Variants in ZNF428 observed in about 807,000 individuals in gnomAD.
The protein encoded by ZNF428 is enzyme-like protein PIT13.
Under a neutral mutation model 15.6 loss-of-function variants are expected in ZNF428, and 5 were observed. The ratio of observed to expected loss-of-function variants is 0.32; its 90% CI spans 0.17 to 0.67. The LOEUF is 0.67. ZNF428 is among the 30% of genes least tolerant of loss of function. ZNF428 has a pLI of 0.73. For missense variants in ZNF428, 237 were observed against 256.0 expected, an observed-to-expected ratio of 0.93 and a Z score of 0.51; for synonymous variants, 97 against 102.2, an observed-to-expected ratio of 0.95 and a Z score of 0.31.
At position 43,612,419 on chromosome 19, in the gene ZNF428, A is replaced by G. The variant is rs993495346; in HGVS notation, c.76+1810T>C. 39 of 1,551,266 alleles carry G rather than the reference A, an allele frequency of 2.5e-5. No homozygotes were observed. In the Admixed American group the frequency reaches 3.5e-4, roughly 14 times the overall value. On this transcript the variant is annotated intron_variant, in intron 2 of 2. Coordinates refer to ENST00000300811, the MANE Select transcript of ZNF428 (RefSeq NM_182498.4). The surrounding 1 kb of genome is among the most constrained non-coding windows in gnomAD (Gnocchi z 4.2). ...CAGCAGGGTGAGCACCGACACCAGG[A>G]CCAGCAAAGCCAGCAAGGCCAGCGA...
At chr19:43,608,465 C>T (rs1973262940) in intron 2 of ZNF428, 1 of 182,096 alleles carries the variant, frequency 5.5e-6, no homozygotes, top group Non-Finnish European at 1.1e-5. Flanking sequence ...TCCGTCTCTA[C>T]AAAAAATTAA....
intron 2 of ZNF428, chr19:43,613,798 A>G: frequency 3.9e-6 from 6 of 1,549,716 alleles, no homozygotes; most frequent in Non-Finnish European, 5.2e-6. Flanking sequence ...AGCACAGACA[A>G]TCCAGAAGCC....
rs1268862954 is a variant in ZNF428 at position 43,612,880 on chromosome 19, G to A, written c.76+1349C>T. ...ACGGTCAGATGATCATCCCCAGTAG[G>A]GAAAAGAGTTACAGCCCCACTGAAA... is the stretch of plus-strand genomic sequence containing the variant. On this transcript the variant is annotated intron_variant, in intron 2 of 2. Transcript: ENST00000300811. The surrounding 1 kb of genome is among the most constrained non-coding windows in gnomAD (Gnocchi z 4.2). 1 of 1,551,664 alleles carries A rather than the reference G, an allele frequency of 6.4e-7. No individual in the cohort carries two copies. Among genetic ancestry groups the A allele is most frequent in the East Asian group, 2.4e-5 (1 of 40,922 alleles).
At chr19:43,609,752 AAAG>A (rs1305107135) in intron 2 of ZNF428, among the ~76,000 whole-genome samples, 1 of 151,986 alleles carries the variant, frequency 6.6e-6, no homozygotes, top group Non-Finnish European at 1.5e-5. Flanking sequence ...CAAAAAAAAA[AAAG>A]AAAAGGGGAA....
At chr19:43,617,088 G>A (rs1242685516) in intron 1 of ZNF428, among the ~76,000 whole-genome samples, 5 of 151,812 alleles carry the variant, frequency 3.3e-5, no homozygotes, top group Admixed American at 1.3e-4. Flanking sequence ...GAGCCACCAC[G>A]CCCAGCCCTC....
intron 1 of ZNF428, among the ~76,000 whole-genome samples, chr19:43,616,054 G>A (rs1462841200): frequency 6.6e-6 from 1 of 152,222 alleles, no homozygotes; most frequent in Non-Finnish European, 1.5e-5. Flanking sequence ...GAGGAGGTCA[G>A]AGAGATTCTG....
Position 43,614,309 on chromosome 19 carries a change from G to A in ZNF428, c.-5C>T, listed in dbSNP as rs113768858. The A allele has an allele frequency of 4.7e-3, 7,564 of 1,599,996 alleles. 100 individuals are homozygous for A. The highest frequency in any genetic ancestry group is 0.034 in the South Asian group (2,984 of 88,846). Reference sequence around the variant, plus strand: ...TGGCTCACGGGTCTCTGTCATGACCGGGGGAGGGGACAGGAGACAGGAGCA... The same window carrying A: ...TGGCTCACGGGTCTCTGTCATGACCAGGGGAGGGGACAGGAGACAGGAGCA... On this transcript the variant is annotated 5_prime_UTR_variant, in exon 2 of 3. Transcript: ENST00000300811.
At chr19:43,611,426 C>T (rs1379799398) in intron 2 of ZNF428, among the ~76,000 whole-genome samples, 1 of 151,920 alleles carries the variant, frequency 6.6e-6, no homozygotes, top group African/African-American at 2.4e-5. Context: ...TTCAAGCGAT[C>T]CTCCCACCTC....
rs55665674 is a variant in ZNF428, at chr19:43,609,359, G to GGAGAGA, written c.77-1258_77-1253dup. ...GATGTACTTTTATATCTGTGGCCAT[G>GGAGAGA]GAGAGAGAGAGAGAGAGAGTTAGGT... On this transcript the variant is annotated intron_variant, in intron 2 of 2. Transcript: ENST00000300811. Among the ~76,000 whole-genome samples, 541 of 81,866 alleles carry GGAGAGA rather than the reference G, an allele frequency of 6.6e-3. 9 individuals carry two copies. Among genetic ancestry groups the GGAGAGA allele is most frequent in the African/African-American group, 0.019 (512 of 27,448 alleles). 53.7% of individuals were successfully genotyped at this position (81,866 alleles called of 152,430 possible). A position where few individuals can be genotyped will look rare whatever the true frequency, so the allele number is the denominator to read the frequency against.
At chr19:43,619,261 G>A (rs1016030503) in intron 1 of ZNF428, among the ~76,000 whole-genome samples, 2 of 152,172 alleles carry the variant, frequency 1.3e-5, no homozygotes, top group African/African-American at 2.4e-5. Context: ...GACGGTCAGC[G>A]GCAGGTGTGG....
At position 43,612,369 on chromosome 19, in the gene ZNF428, G is replaced by A. The variant is rs765611551; in HGVS notation, c.76+1860C>T. On this transcript the variant is annotated intron_variant, in intron 2 of 2. Coordinates refer to ENST00000300811, the MANE Select transcript of ZNF428 (RefSeq NM_182498.4). The surrounding 1 kb of genome is among the most constrained non-coding windows in gnomAD (Gnocchi z 4.2). ...TCTAACCGGCCCAGCAGCAGGTCCCGAGTCCGCAGCAAAGCAAGAACACCC... is the reference window on the plus strand; with the variant it reads ...TCTAACCGGCCCAGCAGCAGGTCCCAAGTCCGCAGCAAAGCAAGAACACCC... The A allele has an allele frequency of 1.7e-5, 27 of 1,551,512 alleles. No homozygotes were observed. Among genetic ancestry groups the A allele is most frequent in the African/African-American group, 6.8e-5 (5 of 72,996 alleles).
chr19:43,618,573 T>A (rs1279366843), intron 1 of ZNF428, among the ~76,000 whole-genome samples: 1 of 139,418 alleles, frequency 7.2e-6, no homozygotes, highest in African/African-American at 2.6e-5. Context: ...TTACTTTTTT[T>A]TTTTTTTTTT....
chr19:43,607,847 G>C lies in ZNF428; in HGVS notation c.337C>G (p.Leu113Val), dbSNP rs778755016. The C allele has an allele frequency of 6.4e-7, 1 of 1,557,820 alleles. No homozygotes were observed. The change falls in exon 3 of 3, where the codon CTC becomes GTC. Residue 113 changes from leucine to valine, a missense_variant. Leu to Val is a conservative substitution (Grantham distance 32). Coordinates refer to ENST00000300811, the MANE Select transcript of ZNF428 (RefSeq NM_182498.4). This position sits in a 1 kb window ranked among gnomAD's most constrained non-coding sequence, Gnocchi z 5.1. ...EAPPGTPPCRLCCPATAPQEA... is the reference protein window; with the variant it reads ...EAPPGTPPCRVCCPATAPQEA... ...TGGGGGGCTGTAGCAGGGCAGCAGAGCCGGCAGGGTGGGGTTCCCGGTGGG... is the reference window on the plus strand; with the variant it reads ...TGGGGGGCTGTAGCAGGGCAGCAGACCCGGCAGGGTGGGGTTCCCGGTGGG...
chr19:43,612,737 A>G lies in ZNF428; in HGVS notation c.76+1492T>C, dbSNP rs1267870428. 2 of 1,551,660 alleles carry G rather than the reference A, an allele frequency of 1.3e-6. No individual in the cohort carries two copies. Among genetic ancestry groups the G allele is most frequent in the African/African-American group, 2.7e-5 (2 of 73,174 alleles). ...CCCACCAGGAGGCTCAGGTATAGGG[A>G]GGAGTTCCGAGCTGGCTGTAACTCC... On this transcript the variant is annotated intron_variant, in intron 2 of 2. Coordinates refer to ENST00000300811, the MANE Select transcript of ZNF428 (RefSeq NM_182498.4). The surrounding 1 kb of genome is among the most constrained non-coding windows in gnomAD (Gnocchi z 4.2).
At chr19:43,617,350 C>T in intron 1 of ZNF428, among the ~76,000 whole-genome samples, 1 of 152,096 alleles carries the variant, frequency 6.6e-6, no homozygotes, top group African/African-American at 2.4e-5. Flanking sequence ...GCAGCCTCAG[C>T]TATATCTCTT....
Position 43,607,555 on chromosome 19 carries a change from T to G in ZNF428, c.*62A>C. ...CCCATGACCACTGTCACAACCCCAA[T>G]TTCCTCAGCCCCCTCCTCCCACCCC... On this transcript the variant is annotated 3_prime_UTR_variant, in exon 3 of 3. Coordinates refer to ENST00000300811, the MANE Select transcript of ZNF428 (RefSeq NM_182498.4). This position sits in a 1 kb window ranked among gnomAD's most constrained non-coding sequence, Gnocchi z 5.1. The G allele has an allele frequency of 1.3e-6, 2 of 1,490,068 alleles. No individual in the cohort carries two copies. The highest frequency in any genetic ancestry group is 1.8e-6 in the Non-Finnish European group (2 of 1,115,030). 92.3% of individuals were successfully genotyped at this position (1,490,068 alleles called of 1,614,324 possible).
At position 43,607,987 on chromosome 19, in the gene ZNF428, T is replaced by C. The variant is rs772152310; in HGVS notation, c.197A>G (p.Lys66Arg). 2.5e-6 allele frequency: 4 copies of C among 1,611,468 alleles called. No homozygotes were observed. In the Admixed American group the frequency reaches 6.7e-5, roughly 27 times the overall value. The change falls in exon 3 of 3, where the codon AAG (lysine) becomes AGG (arginine). Residue 66 changes from lysine to arginine, a missense_variant. By Grantham distance (26) the Lys-to-Arg change is conservative (BLOSUM62 2). Transcript: ENST00000300811. The surrounding 1 kb of genome is among the most constrained non-coding windows in gnomAD (Gnocchi z 5.1). The part of the protein sequence containing the change: ...TDDPEYDPGY[K>R]VKQRLGGGRG... The stretch of plus-strand genomic sequence containing the variant: ...GCCCCCGCCAAGGCGCTGCTTCACC[T>C]TGTAGCCAGGATCATATTCAGGATC...
Position 43,612,900 on chromosome 19 carries a change from C to T in ZNF428, c.76+1329G>A, listed in dbSNP as rs77545563. On this transcript the variant is annotated intron_variant, in intron 2 of 2. Transcript: ENST00000300811. The surrounding 1 kb of genome is among the most constrained non-coding windows in gnomAD (Gnocchi z 4.2). ...AGTAGGGAAAAGAGTTACAGCCCCA[C>T]TGAAATGTCCAGCAGGGTCAAGAGT... The T allele has an allele frequency of 0.047, 72,244 of 1,551,668 alleles. 1,883 individuals carry two copies. The highest frequency in any genetic ancestry group is 0.053 in the Non-Finnish European group (61,212 of 1,146,966).
intron 1 of ZNF428, among the ~76,000 whole-genome samples, chr19:43,614,849 C>G (rs1452914331): frequency 6.6e-6 from 1 of 152,204 alleles, no homozygotes; most frequent in African/African-American, 2.4e-5. Context: ...CCACATGCCT[C>G]AACCTCGCAA....
Sources: gnomAD v4.1 joint callset for allele counts (sites outside exome capture counted in the v4.1 genomes callset) on GRCh38, gnomAD v4.1.1 for gene constraint, Gnocchi (gnomAD v3.1) non-coding constraint, MANE v1.5 for transcripts, NCBI Gene and HGNC (gene_info 2026-07-23, HGNC 2026-07-21) for gene names.